Variants in MARK1 observed in about 807,000 individuals in gnomAD.
The protein encoded by MARK1 is microtubule affinity regulating kinase 1.
MARK1 carries 40 observed loss-of-function variants against 96.3 expected under a neutral mutation model. That is an observed-to-expected ratio of 0.42 (90% CI 0.32 to 0.54). The LOEUF (loss-of-function observed/expected upper bound fraction) is 0.54, where lower values mean the gene tolerates loss of function less well. Ranked by LOEUF, MARK1 falls within the 20% of genes least tolerant of loss-of-function variation. MARK1 has a pLI of 0.16. For missense variants in MARK1, 719 were observed against 984.6 expected (o/e 0.73, Z 3.61); for synonymous variants, 317 against 341.2 (o/e 0.93, Z 0.78).
At chr1:220,586,502 T>C (rs1160964857) in intron 3 of MARK1, among the ~76,000 whole-genome samples, 1 of 152,202 alleles carries the variant, frequency 6.6e-6, no homozygotes, top group African/African-American at 2.4e-5. Flanking sequence ...AAATAACCAC[T>C]TTATTTTTAT....
chr1:220,571,650 A>C (rs1396191577), intron 1 of MARK1: 1 of 152,210 alleles, frequency 6.6e-6, no homozygotes, highest in Non-Finnish European at 1.5e-5. Context: ...ATCCTTATGA[A>C]GTAGGTATTA....
chr1:220,638,141 G>A (rs1175520628), intron 13 of MARK1, among the ~76,000 whole-genome samples: 191 of 145,966 alleles, frequency 1.3e-3, no homozygotes, highest in African/African-American at 4.4e-3. Flanking sequence ...TTTTGCTACA[G>A]AAGCCACTAT....
intron 3 of MARK1, among the ~76,000 whole-genome samples, chr1:220,586,461 A>C (rs1178285289): frequency 6.6e-6 from 1 of 152,064 alleles, no homozygotes; most frequent in African/African-American, 2.4e-5. Context: ...CCCTCCATAA[A>C]ATCAAGCACT....
rs1053608250 is a variant in MARK1 at position 220,528,697 on chromosome 1, C to G, written c.-126C>G. The G allele has an allele frequency of 9.1e-6, 7 of 768,004 alleles. No homozygotes were observed. The highest frequency in any genetic ancestry group is 1.4e-5 in the Non-Finnish European group (7 of 507,576). The allele number at this position is 768,004 out of a possible 1,614,324, so 47.6% of individuals were successfully genotyped here. ...GCCGGGGCCGCTTGTTGCACCGCCC[C>G]GCGGCCTGCGGGAGCCGCTCGCCCC... On this transcript the variant is annotated 5_prime_UTR_variant, in exon 1 of 18. Transcript: ENST00000366917.
In MARK1 at chr1:220,604,122, T is replaced by C; in HGVS notation, c.480T>C (p.Arg160=). The part of the protein sequence containing the change: ...AHGRMKEKEA[R]AKFRQIVSAV... ...GAAGAATGAAAGAGAAAGAGGCCCG[T>C]GCAAAATTTAGGCAGGTATGGAAAG... The change falls in exon 6 of 18, where the codon CGT becomes CGC. Residue 160 remains arginine, a synonymous_variant. Coordinates refer to ENST00000366917, the MANE Select transcript of MARK1 (RefSeq NM_018650.5). 6.2e-7 allele frequency: 1 copy of C among 1,610,986 alleles called. No individual in the cohort carries two copies. Among genetic ancestry groups the C allele is most frequent in the Non-Finnish European group, 8.5e-7 (1 of 1,178,128 alleles).
At chr1:220,552,254 C>A (rs1036667269) in intron 1 of MARK1, among the ~76,000 whole-genome samples, 1 of 152,074 alleles carries the variant, frequency 6.6e-6, no homozygotes. Flanking sequence ...ACCAGCAGAA[C>A]CCAAAGTTGT....
chr1:220,653,400 A>G (rs1488309600), intron 16 of MARK1, 48 bp downstream of exon 16: 4 of 1,565,250 alleles, frequency 2.6e-6, no homozygotes, highest in Non-Finnish European at 3.5e-6. Flanking sequence ...GAAATTATAA[A>G]GGAAACTAGA....
Position 220,652,007 on chromosome 1 carries a change from T to C in MARK1, c.1593T>C (p.Ser531=). The C allele has an allele frequency of 6.2e-7, 1 of 1,607,090 alleles. No homozygotes were observed. Among genetic ancestry groups the C allele is most frequent in the Non-Finnish European group, 8.5e-7 (1 of 1,174,474 alleles). ...KDSSLTEMSV[S]SISSAGSSVA... ...AAAGCCTTACGGAGATGTCTGTGAG[T>C]AGCATATCTTCTGCAGGCTCTTCTG... is the stretch of plus-strand genomic sequence containing the variant. The change falls in exon 15 of 18, where the codon AGT becomes AGC. Residue 531 remains serine (S), a synonymous_variant. Transcript: ENST00000366917.
At chr1:220,644,814 C>A (rs527693498) in intron 13 of MARK1, among the ~76,000 whole-genome samples, 9 of 152,250 alleles carry the variant, frequency 5.9e-5, no homozygotes, top group African/African-American at 2.2e-4. Context: ...GAGTGACCTG[C>A]TCCTGAATGA....
Position 220,653,124 on chromosome 1 carries a change from C to T in MARK1, c.1760C>T (p.Ala587Val). The change falls in exon 16 of 18, where the codon GCT becomes GTT. Residue 587 changes from alanine to valine, a missense_variant. Physicochemically the swap from Ala to Val is moderately conservative, Grantham distance 64. Coordinates refer to ENST00000366917, the MANE Select transcript of MARK1 (RefSeq NM_018650.5). ...AGTACAACCCAGAGAGTGCCTGCTGCTTCCCCATCTGCTCACAGTATTAGT... is the reference window on the plus strand; with the variant it reads ...AGTACAACCCAGAGAGTGCCTGCTGTTTCCCCATCTGCTCACAGTATTAGT... ...RPGTTQRVPA[A>V]SPSAHSISTA... is the part of the protein sequence containing the mutation. The T allele has an allele frequency of 3.1e-6, 5 of 1,614,212 alleles. No individual in the cohort carries two copies. The highest frequency in any genetic ancestry group is 4.2e-6 in the Non-Finnish European group (5 of 1,180,034).
Position 220,528,893 on chromosome 1 carries a change from C to T in MARK1, c.51+20C>T. ...GAAAATGTGAGTAACCGGAGCCTCCCTCGGGAGCAGTGGGGGCGAGACCCT... is the reference window on the plus strand; with the variant it reads ...GAAAATGTGAGTAACCGGAGCCTCCTTCGGGAGCAGTGGGGGCGAGACCCT... On this transcript the variant is annotated intron_variant, in intron 1 of 17. Transcript: ENST00000366917. 1 of 1,557,504 alleles carries T rather than the reference C, an allele frequency of 6.4e-7. No individual in the cohort carries two copies. Among genetic ancestry groups the T allele is most frequent in the Non-Finnish European group, 8.7e-7 (1 of 1,150,588 alleles).
intron 1 of MARK1, among the ~76,000 whole-genome samples, chr1:220,560,230 A>G (rs1215042211): frequency 6.6e-6 from 1 of 152,172 alleles, no homozygotes; most frequent in Non-Finnish European, 1.5e-5. Flanking sequence ...CATAAGAGTT[A>G]TGGGAGCTCC....
chr1:220,577,840 G>A lies in MARK1; in HGVS notation c.52-1514G>A, dbSNP rs115851580. 6.1e-3 allele frequency among the ~76,000 whole-genome samples: 932 copies of A among 152,326 alleles called. 10 individuals are homozygous for A. The highest frequency in any genetic ancestry group is 0.014 in the East Asian group (71 of 5,190). ...CACAATGGAAAGCATGCTGTGATAC[G>A]TGGAAGTACAGGTTGTGGCGAGAAT... On this transcript the variant is annotated intron_variant, in intron 1 of 17. Coordinates refer to ENST00000366917, the MANE Select transcript of MARK1 (RefSeq NM_018650.5).
At chr1:220,611,287 T>C (rs1446919349) in intron 6 of MARK1, among the ~76,000 whole-genome samples, 1 of 152,066 alleles carries the variant, frequency 6.6e-6, no homozygotes, top group Non-Finnish European at 1.5e-5. Context: ...ATTGGCAAAT[T>C]CCCCTCCCCC....
intron 13 of MARK1, among the ~76,000 whole-genome samples, chr1:220,644,459 CCCCA>C (rs1668470192): frequency 7.3e-6 from 1 of 137,690 alleles, no homozygotes; most frequent in East Asian, 2.3e-4. Context: ...ACCCCCCCCC[CCCCA>C]CACACACACA....
chr1:220,568,059 T>G (rs943723192), intron 1 of MARK1, among the ~76,000 whole-genome samples: 2 of 152,186 alleles, frequency 1.3e-5, no homozygotes, highest in African/African-American at 4.8e-5. Flanking sequence ...AACCCACTTA[T>G]GCTCAGTAAT....
chr1:220,614,266 C>T lies in MARK1; in HGVS notation c.496-1673C>T, dbSNP rs75636600. 2.6e-3 allele frequency among the ~76,000 whole-genome samples: 401 copies of T among 152,222 alleles called. 3 individuals carry two copies. The highest frequency in any genetic ancestry group is 9.3e-3 in the African/African-American group (385 of 41,544). ...TCAAGCGATCATCCTCCCACTTCAGCTTCCCAAAGTGCCGAGATTATAGGC... is the reference window on the plus strand; with the variant it reads ...TCAAGCGATCATCCTCCCACTTCAGTTTCCCAAAGTGCCGAGATTATAGGC... On this transcript the variant is annotated intron_variant, in intron 6 of 17. Transcript: ENST00000366917.
chr1:220,587,242 CTATA>C (rs1047212332), intron 3 of MARK1, among the ~76,000 whole-genome samples: 21 of 151,996 alleles, frequency 1.4e-4, no homozygotes, highest in African/African-American at 4.4e-4. Flanking sequence ...TTCATGCTAA[CTATA>C]TAGTCTCTCC....
chr1:220,625,958 A>C, intron 9 of MARK1: 1 of 550,366 alleles, frequency 1.8e-6, no homozygotes, highest in Non-Finnish European at 3.7e-6. Context: ...GACTACATTA[A>C]ATTCTTGCGC....
Sources: allele counts gnomAD v4.1 joint callset (sites outside exome capture counted in the v4.1 genomes callset), GRCh38; gene constraint gnomAD v4.1.1; transcripts MANE v1.5; gene names NCBI Gene and HGNC (gene_info 2026-07-23, HGNC 2026-07-21).